Variants in VPS54 observed in about 807,000 individuals in gnomAD.
VPS54 encodes vacuolar protein sorting-associated protein 54.
In VPS54, 45 loss-of-function variants were observed where a neutral mutation model predicts 121.5. The observed-to-expected ratio is 0.37, with a 90% confidence interval of 0.29 to 0.47. The LOEUF (loss-of-function observed/expected upper bound fraction) is 0.47. Among genes scored for constraint, VPS54 ranks in the 20% least tolerant of loss-of-function variants. The pLI is 0.99. For missense variants in VPS54, 1,090 were observed against 1,131.4 expected (o/e 0.96, Z 0.52); for synonymous variants, 371 against 385.8 (o/e 0.96, Z 0.45).
At chr2:63,924,246 C>A (rs1178814312) in intron 12 of VPS54, among the ~76,000 whole-genome samples, 1 of 152,126 alleles carries the variant, frequency 6.6e-6, no homozygotes, top group African/African-American at 2.4e-5. Flanking sequence ...TCTAGCTGGG[C>A]AAATAGTCCA....
intron 22 of VPS54, among the ~76,000 whole-genome samples, chr2:63,894,753 GACT>G (rs1385614595): frequency 6.7e-6 from 1 of 149,064 alleles, no homozygotes; most frequent in Non-Finnish European, 1.5e-5. Flanking sequence ...GTCAAAAACA[GACT>G]ACTAAACATA....
rs1418698189 is a variant in VPS54 at position 63,933,824 on chromosome 2, T to C, written c.1588A>G (p.Ile530Val). Residue 530 changes from isoleucine (I) to valine (V), a missense_variant, in exon 12 of 23, where the codon ATA (isoleucine) becomes GTA (valine). Physicochemically the swap from Ile to Val is conservative, Grantham distance 29. Around this residue, in one of 2 missense-constraint regions of VPS54, gnomAD observed 801 missense variants for 757.0 expected, o/e 1.06. Transcript: ENST00000272322. The stretch of plus-strand genomic sequence containing the variant: ...CTTTGAGAGGTAGTGTCAACTGCTA[T>C]AGGTGTTAGCTCACCCTCACCGAAT... ...DAFGEGELTP[I>V]AVDTTSQRNA... 1.9e-6 allele frequency: 3 copies of C among 1,613,778 alleles called. No individual in the cohort carries two copies. The highest frequency in any genetic ancestry group is 1.7e-5 in the Admixed American group (1 of 59,952).
intron 1 of VPS54, among the ~76,000 whole-genome samples, chr2:64,017,303 C>T (rs1351937135): frequency 6.7e-6 from 1 of 148,922 alleles, no homozygotes; most frequent in Non-Finnish European, 1.5e-5. Context: ...CGCCACTGCA[C>T]TCCAGCCTGG....
chr2:63,997,664 A>C (rs1470285308), intron 1 of VPS54, among the ~76,000 whole-genome samples: 1 of 150,536 alleles, frequency 6.6e-6, no homozygotes, highest in Non-Finnish European at 1.5e-5. Context: ...CGTTTTATTG[A>C]TCTTTTGTCC....
chr2:63,947,563 C>A, intron 8 of VPS54, 73 bp from the exon 9 acceptor site: 7 of 1,208,176 alleles, frequency 5.8e-6, no homozygotes, highest in Non-Finnish European at 6.7e-6. Context: ...AAATATTCAG[C>A]ATCAAGAGTT....
chr2:63,899,888 GC>G (rs1296928868), intron 20 of VPS54, among the ~76,000 whole-genome samples: 1 of 152,064 alleles, frequency 6.6e-6, no homozygotes, highest in Non-Finnish European at 1.5e-5. Flanking sequence ...GTGATGTTGG[GC>G]AAGTTATTTA....
rs147527334 is a variant in VPS54 at position 63,893,966 on chromosome 2, A to G, written c.2829-431T>C. The stretch of plus-strand genomic sequence containing the variant: ...TCATCTAAGGCGTTAAATACAGACT[A>G]GTATTCATGTATATAAGCGATACTG... On this transcript the variant is annotated intron_variant, in intron 22 of 22. Transcript: ENST00000272322. Among the ~76,000 whole-genome samples the G allele has an allele frequency of 7.4e-3, 1,134 of 152,364 alleles. 12 individuals are homozygous for G. The highest frequency in any genetic ancestry group is 0.026 in the African/African-American group (1,070 of 41,588).
At chr2:63,955,635 TTAATA>T (rs1010652658) in intron 7 of VPS54, among the ~76,000 whole-genome samples, 1 of 152,054 alleles carries the variant, frequency 6.6e-6, no homozygotes, top group South Asian at 2.1e-4. Context: ...TATAATTAAT[TTAATA>T]AAGAACCTCA....
At chr2:63,895,908 T>C (rs1461556065) in intron 22 of VPS54, among the ~76,000 whole-genome samples, 1 of 152,168 alleles carries the variant, frequency 6.6e-6, no homozygotes, top group African/African-American at 2.4e-5. Flanking sequence ...GAACTACTGG[T>C]CTACAAAAAC....
At position 63,912,494 on chromosome 2, in the gene VPS54, G is replaced by A. The variant is rs771641438; in HGVS notation, c.2544+46C>T. On this transcript the variant is annotated intron_variant, in intron 19 of 22. Transcript: ENST00000272322. ...CATTTTTAAAATACTTAACAATTAAGGATCTAAACTTATGAAACGCCAATA... is the reference window on the plus strand; with the variant it reads ...CATTTTTAAAATACTTAACAATTAAAGATCTAAACTTATGAAACGCCAATA... The A allele has an allele frequency of 8.1e-6, 13 of 1,608,494 alleles. No homozygotes were observed. In the East Asian group the frequency reaches 2.9e-4, roughly 36 times the overall value.
rs1299733967 is a variant in VPS54 at position 63,933,773 on chromosome 2, A to T, written c.1639T>A (p.Cys547Ser). 1.2e-6 allele frequency: 2 copies of T among 1,613,800 alleles called. No homozygotes were observed. The highest frequency in any genetic ancestry group is 2.7e-5 in the African/African-American group (2 of 74,910). The change falls in exon 12 of 23, where the codon TGC becomes AGC. Residue 547 changes from cysteine (C) to serine (S), a missense_variant. Cys to Ser is a moderately radical substitution (Grantham distance 112). Transcript: ENST00000272322. Reference protein sequence around the residue: ...QRNASPNSEPCSSDSVSEPEC... With the variant: ...QRNASPNSEPSSSDSVSEPEC... ...GGCTCGGATACAGAATCACTGCTGCAGGGCTCACTATTTGGAGATGCATTT... is the reference window on the plus strand; with the variant it reads ...GGCTCGGATACAGAATCACTGCTGCTGGGCTCACTATTTGGAGATGCATTT...
chr2:63,931,457 G>A (rs1333244083), intron 12 of VPS54, among the ~76,000 whole-genome samples: 1 of 152,140 alleles, frequency 6.6e-6, no homozygotes, highest in African/African-American at 2.4e-5. Flanking sequence ...GCCATATGCA[G>A]AAAACTGAAA....
At chr2:64,002,155 T>C (rs1285843211) in intron 1 of VPS54, among the ~76,000 whole-genome samples, 2 of 152,208 alleles carry the variant, frequency 1.3e-5, no homozygotes, top group Non-Finnish European at 2.9e-5. Flanking sequence ...TCACAATTGC[T>C]GCACTCCTCC....
rs1677584912 is a variant in VPS54, at chr2:63,996,258, C to T, written c.-20-12239G>A. On this transcript the variant is annotated intron_variant, in intron 1 of 22. Transcript: ENST00000272322. The stretch of plus-strand genomic sequence containing the variant: ...ATTAATACTTTTATAATTTCTTATG[C>T]CTGTCTTTACTGCAGTCTCTGAACA... 2.0e-5 allele frequency among the ~76,000 whole-genome samples: 3 copies of T among 152,232 alleles called. No individual in the cohort carries two copies. In the South Asian group the frequency reaches 6.2e-4, roughly 32 times the overall value.
Position 63,970,238 on chromosome 2 carries a change from T to C in VPS54, c.458-1247A>G, listed in dbSNP as rs57285488. Among the ~76,000 whole-genome samples the C allele has an allele frequency of 7.6e-3, 884 of 116,998 alleles. 21 individuals carry two copies. The highest frequency in any genetic ancestry group is 0.029 in the African/African-American group (843 of 29,218). The allele number at this position is 116,998 out of a possible 152,430, so 76.8% of individuals were successfully genotyped here. ...ACACACACACACACACACACACACATTCTAATATATATATAGATATATATA... is the reference window on the plus strand; with the variant it reads ...ACACACACACACACACACACACACACTCTAATATATATATAGATATATATA... On this transcript the variant is annotated intron_variant, in intron 4 of 22. Coordinates refer to ENST00000272322, the MANE Select transcript of VPS54 (RefSeq NM_016516.3).
At chr2:64,005,135 G>A (rs1371870308) in intron 1 of VPS54, among the ~76,000 whole-genome samples, 13 of 95,556 alleles carry the variant, frequency 1.4e-4, no homozygotes, top group Non-Finnish European at 1.9e-4. Flanking sequence ...ACGGAGTCCC[G>A]CTCTTTAGCC....
intron 1 of VPS54, among the ~76,000 whole-genome samples, chr2:64,018,018 G>A (rs1484726515): frequency 6.6e-6 from 1 of 152,050 alleles, no homozygotes; most frequent in African/African-American, 2.4e-5. Flanking sequence ...CTCCCCTTCG[G>A]ATTTATAAAA....
intron 1 of VPS54, among the ~76,000 whole-genome samples, chr2:64,014,012 G>A (rs567973895): frequency 9.2e-5 from 14 of 152,072 alleles, no homozygotes; most frequent in African/African-American, 2.4e-4. Flanking sequence ...CCAACATGGC[G>A]AAACCCTGTC....
intron 2 of VPS54, among the ~76,000 whole-genome samples, chr2:63,982,691 C>T (rs1676853809): frequency 6.6e-6 from 1 of 152,302 alleles, no homozygotes; most frequent in Admixed American, 6.5e-5. Flanking sequence ...AGCCTTCTTG[C>T]ACTTAGGAAC....
Sources: allele counts gnomAD v4.1 joint callset (sites outside exome capture counted in the v4.1 genomes callset), GRCh38; gene constraint gnomAD v4.1.1; regional missense constraint gnomAD v4.1.1; transcripts MANE v1.5; gene names NCBI Gene and HGNC (gene_info 2026-07-23, HGNC 2026-07-21).